PCDH11X: variants seen among roughly 807,000 people sequenced by gnomAD.
The protein encoded by PCDH11X is protocadherin 11 X-linked.
Under a neutral mutation model 53.3 loss-of-function variants are expected in PCDH11X, and 18 were observed. The ratio of observed to expected loss-of-function variants is 0.34; its 90% CI spans 0.23 to 0.50. The LOEUF (loss-of-function observed/expected upper bound fraction) is 0.50. Ranked by LOEUF, PCDH11X falls within the 20% of genes least tolerant of loss-of-function variation. The pLI is 0.98. For synonymous variants in PCDH11X, 279 were observed against 393.3 expected (o/e 0.71, Z 3.44); for missense variants, 570 against 1,032.4 (o/e 0.55, Z 6.14).
At chrX:91,906,975 A>G (rs1420632011) in intron 6 of PCDH11X, among the ~76,000 whole-genome samples, 1 of 111,088 alleles carries the variant, frequency 9.0e-6, no homozygotes, top group East Asian at 2.9e-4. Flanking sequence ...CACTTGAGGA[A>G]AACAAAAAAT....
At chrX:91,859,012 G>GCATACCCGAGA (rs1905790630) in intron 5 of PCDH11X, among the ~76,000 whole-genome samples, 1 of 107,724 alleles carries the variant, frequency 9.3e-6, no homozygotes, top group African/African-American at 3.4e-5. Context: ...TTCTCACATG[G>GCATACCCGAGA]CTAGTACAGA....
intron 6 of PCDH11X, among the ~76,000 whole-genome samples, chrX:92,137,920 C>T: frequency 9.2e-6 from 1 of 108,271 alleles, no homozygotes; most frequent in Non-Finnish European, 1.9e-5. Flanking sequence ...AAACCTGTGC[C>T]ATGGTGGTTT....
At chrX:92,266,813 C>T (rs886485711) in intron 8 of PCDH11X, among the ~76,000 whole-genome samples, 2 of 108,088 alleles carry the variant, frequency 1.9e-5, no homozygotes, top group Admixed American at 1.0e-4. Flanking sequence ...GGCATGATTT[C>T]GGCTCACTGC....
At chrX:92,049,649 A>C (rs2063338748) in intron 6 of PCDH11X, among the ~76,000 whole-genome samples, 2 of 112,059 alleles carry the variant, frequency 1.8e-5, no homozygotes, top group Middle Eastern at 9.3e-3. Context: ...ATTAAAAATA[A>C]ATATTCTGTA....
chrX:91,952,748 T>C (rs2061657507), intron 6 of PCDH11X, among the ~76,000 whole-genome samples: 1 of 111,815 alleles, frequency 8.9e-6, no homozygotes, highest in African/African-American at 3.2e-5. Flanking sequence ...CCTATGTTTG[T>C]TGCAGCATTG....
chrX:92,580,051 C>A (rs962751970), intron 10 of PCDH11X, among the ~76,000 whole-genome samples: 2 of 104,809 alleles, frequency 1.9e-5, no homozygotes, highest in East Asian at 2.8e-4. Context: ...CTGGGACACT[C>A]CCACACCTGG....
At chrX:92,434,113 TATCTATCTATCTATC>T (rs1419929190) in intron 9 of PCDH11X, among the ~76,000 whole-genome samples, 5 of 111,125 alleles carry the variant, frequency 4.5e-5, no homozygotes, top group Non-Finnish European at 7.6e-5. Context: ...ACCTAAATTT[TATCTATCTATCTATC>T]ATCTATCTAT....
chrX:92,069,091 T>C (rs1180151778), intron 6 of PCDH11X, among the ~76,000 whole-genome samples: 1 of 110,195 alleles, frequency 9.1e-6, no homozygotes, highest in African/African-American at 3.3e-5. Context: ...CTAACTATTA[T>C]TGTATTAGGG....
intron 6 of PCDH11X, among the ~76,000 whole-genome samples, chrX:92,029,065 T>G (rs2063008401): frequency 9.0e-6 from 1 of 110,632 alleles, no homozygotes; most frequent in Non-Finnish European, 1.9e-5. Flanking sequence ...AAAGAGTTAA[T>G]GTAGCTTCCA....
chrX:91,877,928 A>G lies in PCDH11X; in HGVS notation c.1688A>G (p.Gln563Arg), dbSNP rs1478943275. Residue 563 changes from glutamine (Q) to arginine (R), a missense_variant, in exon 6 of 11, where the codon CAG (glutamine) becomes CGG (arginine). Transcript: ENST00000682573. ...NVTVFVSIIDQNDNSPVFTHN... is the reference protein window; with the variant it reads ...NVTVFVSIIDRNDNSPVFTHN... ...ACAGTCTTTGTAAGCATTATTGATC[A>G]GAATGACAATAGCCCAGTTTTCACT... 2 of 1,210,321 alleles carry G rather than the reference A, an allele frequency of 1.7e-6. No individual in the cohort carries two copies. The highest frequency in any genetic ancestry group is 2.2e-6 in the Non-Finnish European group (2 of 895,305).
chrX:91,895,579 C>T (rs1940708447), intron 6 of PCDH11X, among the ~76,000 whole-genome samples: 1 of 110,077 alleles, frequency 9.1e-6, no homozygotes, highest in African/African-American at 3.3e-5. Flanking sequence ...ATATTCATGC[C>T]CCCAAGTTTT....
chrX:92,425,304 C>T (rs958198933), intron 9 of PCDH11X, among the ~76,000 whole-genome samples: 1 of 110,015 alleles, frequency 9.1e-6, no homozygotes, highest in African/African-American at 3.3e-5. Flanking sequence ...ATACAAGGAT[C>T]GTAGCAGTAG....
At chrX:91,814,893 G>A (rs1840940525) in intron 4 of PCDH11X, among the ~76,000 whole-genome samples, 2 of 107,190 alleles carry the variant, frequency 1.9e-5, no homozygotes, top group South Asian at 4.3e-4. Flanking sequence ...GTCTTTGTGA[G>A]TGCAGGATAT....
intron 8 of PCDH11X, among the ~76,000 whole-genome samples, chrX:92,340,628 A>C (rs2148514758): frequency 8.9e-6 from 1 of 112,017 alleles, no homozygotes; most frequent in Non-Finnish European, 1.9e-5. Context: ...GACTGGAAAC[A>C]AAGCAACTGG....
intron 6 of PCDH11X, among the ~76,000 whole-genome samples, chrX:92,086,903 G>T (rs975733941): frequency 1.8e-5 from 2 of 108,946 alleles, no homozygotes; most frequent in Non-Finnish European, 3.8e-5. Flanking sequence ...TAAGCAAATT[G>T]CAATTGGAAG....
At chrX:92,617,091 G>A (rs1254380261) in intron 10 of PCDH11X, among the ~76,000 whole-genome samples, 1 of 111,178 alleles carries the variant, frequency 9.0e-6, no homozygotes, top group African/African-American at 3.3e-5. Context: ...TAGGAGTGGT[G>A]TCAACCTTAC....
chrX:92,541,032 C>T (rs1205947406), intron 10 of PCDH11X, among the ~76,000 whole-genome samples: 1 of 110,872 alleles, frequency 9.0e-6, no homozygotes, highest in East Asian at 2.8e-4. Flanking sequence ...CACAAGCACT[C>T]TCTTAGCTGC....
chrX:92,279,628 A>T (rs923593003), intron 8 of PCDH11X, among the ~76,000 whole-genome samples: 6 of 112,515 alleles, frequency 5.3e-5, no homozygotes, highest in African/African-American at 1.9e-4. Flanking sequence ...AGAAACCATA[A>T]TGTTAAACTT....
chrX:92,283,981 C>T (rs1288977993), intron 8 of PCDH11X, among the ~76,000 whole-genome samples: 1 of 110,060 alleles, frequency 9.1e-6, no homozygotes, highest in East Asian at 2.8e-4. Flanking sequence ...CAAAATTATC[C>T]AGGTTTCTTT....
Sources: allele counts gnomAD v4.1 joint callset (sites outside exome capture counted in the v4.1 genomes callset), GRCh38; gene constraint gnomAD v4.1.1; transcripts MANE v1.5; gene names NCBI Gene and HGNC (gene_info 2026-07-23, HGNC 2026-07-21).